TRPM3: variants seen among roughly 807,000 people sequenced by gnomAD.
The protein encoded by TRPM3 is long transient receptor potential channel 3.
Under a neutral mutation model 181.2 loss-of-function variants are expected in TRPM3, and 77 were observed. That is an observed-to-expected ratio of 0.42 (90% confidence interval 0.35 to 0.51). The LOEUF (loss-of-function observed/expected upper bound fraction) is 0.51, where lower values mean the gene tolerates loss of function less well. Ranked by LOEUF, TRPM3 falls within the 20% of genes least tolerant of loss-of-function variation. TRPM3 has a pLI of 0.01. For synonymous variants in TRPM3, 745 were observed against 796.4 expected (o/e 0.94, Z 1.09); for missense variants, 1,759 against 2,196.7 (o/e 0.80, Z 3.98).
At chr9:71,048,093 TCA>T (rs1486752623) in intron 1 of TRPM3, among the ~76,000 whole-genome samples, 1 of 152,226 alleles carries the variant, frequency 6.6e-6, no homozygotes, top group Non-Finnish European at 1.5e-5. Context: ...ACAAAAGTTA[TCA>T]CAGTTTTTGC....
chr9:71,171,535 G>A (rs911784693), intron 1 of TRPM3, among the ~76,000 whole-genome samples: 10 of 152,100 alleles, frequency 6.6e-5, no homozygotes, highest in African/African-American at 2.2e-4. Context: ...CGTGAATATC[G>A]GGGCAGGTTC....
intron 8 of TRPM3, among the ~76,000 whole-genome samples, chr9:70,748,257 C>T (rs560187586): frequency 5.9e-5 from 9 of 152,254 alleles, no homozygotes; most frequent in African/African-American, 2.2e-4. Context: ...ATTTGTAAGT[C>T]CTTGGCTTTT....
intron 1 of TRPM3, among the ~76,000 whole-genome samples, chr9:70,944,208 G>A (rs1407287337): frequency 6.6e-6 from 1 of 152,184 alleles, no homozygotes; most frequent in African/African-American, 2.4e-5. Context: ...GGAGGTGGAT[G>A]AATGAAAGCC....
At chr9:70,774,978 T>TGTTCACTG (rs2081071446) in intron 7 of TRPM3, 2 of 152,222 alleles carry the variant, frequency 1.3e-5, no homozygotes, top group Non-Finnish European at 2.9e-5. Context: ...TTATAGCATG[T>TGTTCACTG]GTTCACTGCT....
At chr9:71,271,771 G>T (rs2083812227) in intron 1 of TRPM3, among the ~76,000 whole-genome samples, 1 of 152,146 alleles carries the variant, frequency 6.6e-6, no homozygotes, top group African/African-American at 2.4e-5. Context: ...TGGACACAAA[G>T]TTCCAAGCAC....
At chr9:70,991,554 TG>T (rs2097485302) in intron 1 of TRPM3, among the ~76,000 whole-genome samples, 1 of 75,140 alleles carries the variant, frequency 1.3e-5, no homozygotes, top group Admixed American at 1.7e-4. Flanking sequence ...ACTATGTGTC[TG>T]TTTTTTTTTT....
chr9:71,219,327 T>C (rs2080092996), intron 1 of TRPM3, among the ~76,000 whole-genome samples: 1 of 152,216 alleles, frequency 6.6e-6, no homozygotes, highest in Non-Finnish European at 1.5e-5. Flanking sequence ...TATGCTTTAA[T>C]CTTTTAAATA....
intron 7 of TRPM3, among the ~76,000 whole-genome samples, chr9:70,762,693 C>G (rs2078357897): frequency 6.6e-6 from 1 of 152,162 alleles, no homozygotes; most frequent in South Asian, 2.1e-4. Context: ...ATCTCAGTTG[C>G]TGATTACAGG....
chr9:70,820,560 C>T (rs1428368118), intron 6 of TRPM3, among the ~76,000 whole-genome samples: 1 of 152,212 alleles, frequency 6.6e-6, no homozygotes, highest in East Asian at 1.9e-4. Context: ...ACACCTTGGG[C>T]TCTGATGGGC....
chr9:71,181,481 A>G (rs1360202), intron 1 of TRPM3, among the ~76,000 whole-genome samples: 65,743 of 151,682 alleles, frequency 0.43, 14,579 homozygotes, highest in East Asian at 0.52. Context: ...TAAAGCAGCA[A>G]ATAGGAAATA....
At chr9:71,140,764 A>G (rs938200177) in intron 1 of TRPM3, among the ~76,000 whole-genome samples, 1 of 152,204 alleles carries the variant, frequency 6.6e-6, no homozygotes, top group Non-Finnish European at 1.5e-5. Context: ...CTGTTAAGTC[A>G]TACATGTACT....
intron 1 of TRPM3, among the ~76,000 whole-genome samples, chr9:70,946,108 A>T (rs1407407436): frequency 6.6e-6 from 1 of 152,140 alleles, no homozygotes; most frequent in Admixed American, 6.5e-5. Context: ...ATGTGTTATT[A>T]TGCTGATTTT....
intron 19 of TRPM3, among the ~76,000 whole-genome samples, chr9:70,610,308 A>T (rs1454337421): frequency 6.6e-6 from 1 of 152,200 alleles, no homozygotes; most frequent in Non-Finnish European, 1.5e-5. Context: ...ACAAGGAAGT[A>T]TTTCGGAAAA....
intron 1 of TRPM3, among the ~76,000 whole-genome samples, chr9:71,028,041 A>C (rs2056800386): frequency 6.6e-6 from 1 of 152,218 alleles, no homozygotes; most frequent in Non-Finnish European, 1.5e-5. Flanking sequence ...AAAAGAAAGA[A>C]AAAATGTTAA....
chr9:71,332,713 T>C (rs773782005), intron 1 of TRPM3, among the ~76,000 whole-genome samples: 8 of 151,760 alleles, frequency 5.3e-5, no homozygotes, highest in Non-Finnish European at 1.0e-4. Context: ...CATATACAAT[T>C]TTATAGGATT....
intron 1 of TRPM3, among the ~76,000 whole-genome samples, chr9:71,330,908 A>G (rs1330172374): frequency 6.6e-6 from 1 of 151,814 alleles, no homozygotes; most frequent in Non-Finnish European, 1.5e-5. Context: ...TAGAGTGCTG[A>G]TCTGGCCTAG....
intron 1 of TRPM3, among the ~76,000 whole-genome samples, chr9:70,906,731 A>G (rs893133135): frequency 1.3e-5 from 2 of 152,066 alleles, no homozygotes; most frequent in African/African-American, 4.8e-5. Flanking sequence ...GGTGAAACCC[A>G]CTATCTACTA....
intron 1 of TRPM3, among the ~76,000 whole-genome samples, chr9:71,160,272 T>A (rs1267976840): frequency 6.6e-6 from 1 of 152,178 alleles, no homozygotes; most frequent in Non-Finnish European, 1.5e-5. Flanking sequence ...TAAAGTGTTA[T>A]CCTTCATCTT....
intron 21 of TRPM3, among the ~76,000 whole-genome samples, chr9:70,593,190 C>A (rs1028289542): frequency 5.3e-5 from 8 of 152,186 alleles, no homozygotes; most frequent in African/African-American, 1.9e-4. Flanking sequence ...ATCTTAAAAT[C>A]TGACATCCAT....
Sources: allele counts gnomAD v4.1 joint callset (sites outside exome capture counted in the v4.1 genomes callset), GRCh38; gene constraint gnomAD v4.1.1; transcripts MANE v1.5; gene names NCBI Gene and HGNC (gene_info 2026-07-23, HGNC 2026-07-21).